The following ERC2 variants were observed in gnomAD, a reference collection of about 807,000 sequenced individuals.
ERC2 encodes ERC protein 2.
In ERC2, 42 loss-of-function variants were observed where a neutral mutation model predicts 114.8. The ratio of observed to expected loss-of-function variants is 0.37; its 90% CI spans 0.29 to 0.47. The LOEUF (loss-of-function observed/expected upper bound fraction) is 0.47. Among genes scored for constraint, ERC2 ranks in the 20% least tolerant of loss-of-function variants. ERC2 has a pLI of 0.99. For synonymous variants in ERC2, 454 were observed against 425.5 expected (o/e 1.07, Z -0.82); for missense variants, 939 against 1,150.7 (o/e 0.82, Z 2.66).
Position 55,985,857 on chromosome 3 carries a change from C to T in ERC2, c.2267+120G>A, listed in dbSNP as rs765374339. Reference sequence around the variant, plus strand: ...TTCCCAAGGCATGGAATGAAATGAGCGGGGGGAAATGCAGTGGCCCGAGGA... The same window carrying T: ...TTCCCAAGGCATGGAATGAAATGAGTGGGGGGAAATGCAGTGGCCCGAGGA... On this transcript the variant is annotated intron_variant, in intron 12 of 17. Transcript: ENST00000288221. 19 of 847,092 alleles carry T rather than the reference C, an allele frequency of 2.2e-5. No individual in the cohort carries two copies. The Middle Eastern group carries it at 8.7e-4, about 39-fold the overall frequency. The allele number at this position is 847,092 out of a possible 1,614,324, so 52.5% of individuals were successfully genotyped here.
chr3:56,148,353 T>C (rs1047506734), intron 5 of ERC2, among the ~76,000 whole-genome samples: 5 of 152,194 alleles, frequency 3.3e-5, no homozygotes, highest in African/African-American at 9.6e-5. Flanking sequence ...TGGTACCATC[T>C]TGGCTCACTG....
At chr3:55,670,838 A>G (rs13078955) in intron 17 of ERC2, among the ~76,000 whole-genome samples, 106,649 of 152,094 alleles carry the variant, frequency 0.7, 41,002 homozygotes, top group East Asian at 1. Flanking sequence ...TTGGGGGGGA[A>G]TTTTTTTAAA....
intron 14 of ERC2, among the ~76,000 whole-genome samples, chr3:55,795,398 T>C (rs1184129929): frequency 1.3e-5 from 2 of 152,170 alleles, no homozygotes; most frequent in East Asian, 1.9e-4. Context: ...CCTTCCTACT[T>C]ACTTTCCCTT....
At chr3:55,956,911 G>A (rs551815468) in intron 12 of ERC2, among the ~76,000 whole-genome samples, 1 of 150,208 alleles carries the variant, frequency 6.7e-6, no homozygotes, top group South Asian at 2.1e-4. Flanking sequence ...GAGTACCATC[G>A]CGCATTGTGT....
chr3:55,568,852 C>T (rs1344005906), intron 17 of ERC2, among the ~76,000 whole-genome samples: 2 of 152,204 alleles, frequency 1.3e-5, no homozygotes, highest in African/African-American at 4.8e-5. Context: ...GTCTGACCTG[C>T]TCCCCCTCTG....
At chr3:56,454,519 A>G (rs2062970365) in intron 1 of ERC2, among the ~76,000 whole-genome samples, 2 of 152,318 alleles carry the variant, frequency 1.3e-5, no homozygotes, top group South Asian at 4.1e-4. Context: ...AAAGGTGAAA[A>G]CAACCGAAAT....
intron 6 of ERC2, among the ~76,000 whole-genome samples, chr3:56,125,501 A>G (rs2079818278): frequency 6.6e-6 from 1 of 152,150 alleles, no homozygotes. Flanking sequence ...CCCTGACTAA[A>G]TGGAGTGAGT....
At chr3:56,012,606 CAGA>C (rs1218074422) in intron 8 of ERC2, among the ~76,000 whole-genome samples, 2 of 152,086 alleles carry the variant, frequency 1.3e-5, no homozygotes, top group Non-Finnish European at 2.9e-5. Flanking sequence ...TGTTAACAGC[CAGA>C]AGGTGTCAGA....
At chr3:56,291,976 G>A (rs1249788004) in intron 3 of ERC2, among the ~76,000 whole-genome samples, 4 of 152,150 alleles carry the variant, frequency 2.6e-5, no homozygotes, top group Admixed American at 1.3e-4. Context: ...ATATTATTAC[G>A]TATTTGGTAG....
intron 15 of ERC2, among the ~76,000 whole-genome samples, chr3:55,712,105 T>A (rs191338887): frequency 1.3e-5 from 2 of 152,350 alleles, no homozygotes; most frequent in Admixed American, 1.3e-4. Context: ...CTATTTCTAC[T>A]TCATTATCTG....
At chr3:55,711,435 A>C (rs1305828145) in intron 15 of ERC2, among the ~76,000 whole-genome samples, 1 of 152,184 alleles carries the variant, frequency 6.6e-6, no homozygotes, top group African/African-American at 2.4e-5. Flanking sequence ...AAGCACAGAC[A>C]CACATACTTA....
At chr3:55,626,751 A>G (rs867587282) in intron 17 of ERC2, among the ~76,000 whole-genome samples, 6 of 152,370 alleles carry the variant, frequency 3.9e-5, no homozygotes, top group African/African-American at 1.4e-4. Context: ...GAAGCTCCAC[A>G]GTACTCACAA....
Position 55,845,358 on chromosome 3 carries a change from G to C in ERC2, c.2564+43031C>G, listed in dbSNP as rs1255412444. On this transcript the variant is annotated intron_variant, in intron 14 of 17. Coordinates refer to ENST00000288221, the MANE Select transcript of ERC2 (RefSeq NM_015576.3). ...TCTCTGCTAATAATACAAAAAATTA[G>C]CCGGGCGTAGTGGCGGGCGCCTGTA... 3.9e-5 allele frequency among the ~76,000 whole-genome samples: 6 copies of C among 151,990 alleles called. No homozygotes were observed. The East Asian group carries it at 1.2e-3, about 30-fold the overall frequency.
intron 13 of ERC2, among the ~76,000 whole-genome samples, chr3:55,930,986 C>A (rs1437004618): frequency 6.6e-6 from 1 of 152,096 alleles, no homozygotes; most frequent in East Asian, 1.9e-4. Context: ...ATGCGGCCAA[C>A]AAGAATATTA....
chr3:56,120,244 C>T (rs1248639258), intron 6 of ERC2, among the ~76,000 whole-genome samples: 3 of 152,268 alleles, frequency 2.0e-5, no homozygotes, highest in East Asian at 3.9e-4. Context: ...CATCAGCTTT[C>T]GATTGGGCGC....
chr3:56,259,952 C>A (rs2052803251), intron 3 of ERC2, among the ~76,000 whole-genome samples: 1 of 152,226 alleles, frequency 6.6e-6, no homozygotes, highest in South Asian at 2.1e-4. Flanking sequence ...CCCCGATAGG[C>A]TCGGGTTCCC....
intron 14 of ERC2, among the ~76,000 whole-genome samples, chr3:55,872,970 T>C (rs2062653966): frequency 6.6e-6 from 1 of 152,026 alleles, no homozygotes; most frequent in Non-Finnish European, 1.5e-5. Context: ...ATGTCTGGAG[T>C]CATTTCTGAT....
chr3:55,629,967 G>A (rs1441043079), intron 17 of ERC2, among the ~76,000 whole-genome samples: 3 of 152,230 alleles, frequency 2.0e-5, no homozygotes, highest in East Asian at 3.9e-4. Flanking sequence ...TAGTCGTACT[G>A]GTGGGGAGGG....
At chr3:56,309,343 A>C (rs1276826337) in intron 2 of ERC2, among the ~76,000 whole-genome samples, 1 of 152,232 alleles carries the variant, frequency 6.6e-6, no homozygotes, top group Non-Finnish European at 1.5e-5. Context: ...GATTCATAGC[A>C]CTAAGAACAG....
Sources: allele counts gnomAD v4.1 joint callset (sites outside exome capture counted in the v4.1 genomes callset), GRCh38; gene constraint gnomAD v4.1.1; transcripts MANE v1.5; gene names NCBI Gene and HGNC (gene_info 2026-07-23, HGNC 2026-07-21).